Variants in CAST observed in about 807,000 individuals in gnomAD.
The protein encoded by CAST is MIR583 host.
CAST carries 76 observed loss-of-function variants against 119.6 expected under a neutral mutation model. That is an observed-to-expected ratio of 0.64 (90% CI 0.53 to 0.77). The LOEUF (loss-of-function observed/expected upper bound fraction) is 0.77. CAST is among the 30% of genes least tolerant of loss of function. The pLI is 0.00. For synonymous variants in CAST, 319 were observed against 331.6 expected (o/e 0.96, Z 0.41); for missense variants, 953 against 946.5 (o/e 1.01, Z -0.09).
intron 1 of CAST, among the ~76,000 whole-genome samples, chr5:96,619,309 C>G (rs1225055086): frequency 6.6e-6 from 1 of 152,154 alleles, no homozygotes; most frequent in Non-Finnish European, 1.5e-5. Flanking sequence ...TCGCATCAAT[C>G]AGCACTCTGT....
At chr5:96,209,165 T>G in the CAST span, among the ~76,000 whole-genome samples, 1 of 152,034 alleles carries the variant, frequency 6.6e-6, no homozygotes, top group Non-Finnish European at 1.5e-5. Context: ...CTGTTTTCCA[T>G]TTGCTTGGTA....
At chr5:96,324,758 A>T in the CAST span, among the ~76,000 whole-genome samples, 2 of 149,826 alleles carry the variant, frequency 1.3e-5, no homozygotes, top group Non-Finnish European at 3.0e-5. Context: ...TTGAGAACTC[A>T]TTTTTTTTTT....
chr5:96,736,186 A>G lies in CAST; in HGVS notation c.645A>G (p.Lys215=). ...GKPGDKKKEK[K]SLTPAVPVES... ...ATTCTCACCAGAAAAAAGAAAAGAA[A>G]TCATTAACCCCAGCTGTGCCAGTTG... Residue 215 remains lysine (K), a synonymous_variant, in exon 10 of 32, where the codon AAA becomes AAG. Coordinates refer to ENST00000675179, the MANE Select transcript of CAST (RefSeq NM_001750.7). 1 of 1,611,926 alleles carries G rather than the reference A, an allele frequency of 6.2e-7. No homozygotes were observed. Among genetic ancestry groups the G allele is most frequent in the African/African-American group, 1.3e-5 (1 of 74,934 alleles).
At chr5:96,410,778 C>A in the CAST span, 2 of 1,612,900 alleles carry the variant, frequency 1.2e-6, no homozygotes, top group Non-Finnish European at 1.7e-6. Context: ...ACATACGATT[C>A]TCTGGTCGGT....
At chr5:96,559,358 G>A (rs544708489) in intron 1 of CAST, among the ~76,000 whole-genome samples, 3 of 152,184 alleles carry the variant, frequency 2.0e-5, no homozygotes, top group African/African-American at 7.2e-5. Context: ...TTCTGGCCAG[G>A]GCAATCAGGC....
At chr5:96,107,834 C>G in the CAST span, among the ~76,000 whole-genome samples, 1 of 152,210 alleles carries the variant, frequency 6.6e-6, no homozygotes, top group Non-Finnish European at 1.5e-5. Context: ...AACTTGTTTC[C>G]ATTCTCCCTG....
At chr5:96,014,080 T>C in the CAST span, among the ~76,000 whole-genome samples, 1 of 151,464 alleles carries the variant, frequency 6.6e-6, no homozygotes, top group Non-Finnish European at 1.5e-5. Flanking sequence ...AAAACACAAA[T>C]ATATTATACA....
chr5:96,761,403 A>T (rs1036965791), intron 24 of CAST: 15 of 152,348 alleles, frequency 9.8e-5, no homozygotes, highest in African/African-American at 3.6e-4. Context: ...TTTACAGGGT[A>T]TAAATGGACA....
At chr5:96,575,906 T>C (rs1746661382) in intron 1 of CAST, among the ~76,000 whole-genome samples, 1 of 152,132 alleles carries the variant, frequency 6.6e-6, no homozygotes, top group Admixed American at 6.5e-5. Flanking sequence ...GCCTCCCAAA[T>C]TGCTAGGGAT....
In CAST at chr5:96,772,760, TC is replaced by T. The variant is rs1483181774; in HGVS notation, c.*146del. 6.5e-6 allele frequency: 1 copy of T among 152,776 alleles called. No homozygotes were observed. Among genetic ancestry groups the T allele is most frequent in the Admixed American group, 6.5e-5 (1 of 15,280 alleles). The allele number at this position is 152,776 out of a possible 1,614,324, so 9.5% of individuals were successfully genotyped here. A position where few individuals can be genotyped will look rare whatever the true frequency, so the allele number is the denominator to read the frequency against. On this transcript the variant is annotated 3_prime_UTR_variant, in exon 32 of 32. Transcript: ENST00000675179. ...ATGGTTTTTGTTGAGTCTCTGAACA[TC>T]CTAAATATTGGTTTGTTATTCTTTT...
At chr5:96,167,219 A>C in the CAST span, among the ~76,000 whole-genome samples, 3 of 152,218 alleles carry the variant, frequency 2.0e-5, no homozygotes, top group Admixed American at 6.5e-5. Flanking sequence ...TATTTACTTT[A>C]AGAGTTAAGA....
At chr5:96,229,931 G>C in the CAST span, among the ~76,000 whole-genome samples, 1 of 152,080 alleles carries the variant, frequency 6.6e-6, no homozygotes, top group South Asian at 2.1e-4. Context: ...TATCCTTGTT[G>C]TCCTTCTCCC....
the CAST span, among the ~76,000 whole-genome samples, chr5:96,379,182 G>A: frequency 6.6e-6 from 1 of 152,126 alleles, no homozygotes; most frequent in South Asian, 2.1e-4. Flanking sequence ...GAATAAGTCT[G>A]TTTCACCACG....
the CAST span, among the ~76,000 whole-genome samples, chr5:96,137,433 T>C: frequency 6.6e-6 from 1 of 152,154 alleles, no homozygotes; most frequent in African/African-American, 2.4e-5. Context: ...CTTACCATCT[T>C]CCAGATTTTG....
chr5:96,466,543 C>A, the CAST span, among the ~76,000 whole-genome samples: 3 of 150,988 alleles, frequency 2.0e-5, no homozygotes, highest in Non-Finnish European at 4.4e-5. Context: ...CTCTTTTATT[C>A]TTCCTGGGTT....
intron 1 of CAST, among the ~76,000 whole-genome samples, chr5:96,555,582 C>T (rs150562407): frequency 0.012 from 1,811 of 152,290 alleles, 53 homozygotes; most frequent in African/African-American, 0.042. Flanking sequence ...CATTATATCC[C>T]GCACCTGGCT....
intron 20 of CAST, 105 bp from the exon 21 acceptor site, chr5:96,753,953 CGT>C (rs1431234804): frequency 1.5e-6 from 1 of 682,198 alleles, no homozygotes; most frequent in African/African-American, 1.8e-5. Context: ...TAAAAGATAG[CGT>C]GTGCCTTTTA....
chr5:96,556,525 GA>G (rs1746244033), intron 1 of CAST, among the ~76,000 whole-genome samples: 1 of 152,196 alleles, frequency 6.6e-6, no homozygotes, highest in Admixed American at 6.5e-5. Context: ...GGACCTGATG[GA>G]GCTGAAAACC....
chr5:96,562,013 C>G (rs905850913), intron 1 of CAST, among the ~76,000 whole-genome samples: 5 of 150,388 alleles, frequency 3.3e-5, no homozygotes, highest in African/African-American at 1.2e-4. Flanking sequence ...AGGATGGTCT[C>G]GATCTCCTGA....
Sources: gnomAD v4.1 joint callset for allele counts (sites outside exome capture counted in the v4.1 genomes callset) on GRCh38, gnomAD v4.1.1 for gene constraint, MANE v1.5 for transcripts, NCBI Gene and HGNC (gene_info 2026-07-23, HGNC 2026-07-21) for gene names.